The following GALNT7 variants were observed in gnomAD, a reference collection of about 807,000 sequenced individuals.
GALNT7 encodes polypeptide N-acetylgalactosaminyltransferase 7, also known as N-acetylgalactosaminyltransferase 7.
Under a neutral mutation model 82.1 loss-of-function variants are expected in GALNT7, and 60 were observed. That is an observed-to-expected ratio of 0.73 (90% CI 0.59 to 0.91). GALNT7 has a LOEUF of 0.91. GALNT7 is among the 40% of genes least tolerant of loss of function. GALNT7 has a pLI of 0.00. For missense variants in GALNT7, 660 were observed against 804.2 expected, an observed-to-expected ratio of 0.82 and a Z score of 2.17; for synonymous variants, 243 against 275.1, an observed-to-expected ratio of 0.88 and a Z score of 1.15.
At position 173,248,239 on chromosome 4, in the gene GALNT7, C is replaced by A; in HGVS notation, c.386C>A (p.Pro129Gln). Reference protein sequence around the residue: ...TFTYHDPVLRPGILGNFEPKE... With the variant: ...TFTYHDPVLRQGILGNFEPKE... ...ACCTACCATGATCCTGTGCTTCGCC[C>A]AGGGATCCTCGGTAACTTTGAACCC... is the stretch of plus-strand genomic sequence containing the variant. The change falls in exon 2 of 12, where the codon CCA becomes CAA. Residue 129 changes from proline to glutamine, a missense_variant. Pro to Gln is a moderately conservative substitution (Grantham distance 76, BLOSUM62 -1). Coordinates refer to ENST00000265000, the MANE Select transcript of GALNT7 (RefSeq NM_017423.3). 1 of 1,613,944 alleles carries A rather than the reference C, an allele frequency of 6.2e-7. No individual in the cohort carries two copies. Among genetic ancestry groups the A allele is most frequent in the Non-Finnish European group, 8.5e-7 (1 of 1,179,878 alleles).
chr4:173,293,981 T>TAA (rs1330088683), intron 3 of GALNT7, among the ~76,000 whole-genome samples: 1 of 152,176 alleles, frequency 6.6e-6, no homozygotes, highest in Non-Finnish European at 1.5e-5. Context: ...AGTCAGTGGG[T>TAA]TAGGGAGGAT....
At chr4:173,263,080 T>G (rs1207221625) in intron 2 of GALNT7, among the ~76,000 whole-genome samples, 1 of 152,244 alleles carries the variant, frequency 6.6e-6, no homozygotes, top group East Asian at 1.9e-4. Flanking sequence ...ACCATCAGAG[T>G]AAATATCCAC....
intron 2 of GALNT7, among the ~76,000 whole-genome samples, chr4:173,254,252 C>A (rs571887054): frequency 6.6e-6 from 1 of 152,158 alleles, no homozygotes; most frequent in Non-Finnish European, 1.5e-5. Flanking sequence ...ACACTCATGC[C>A]TTATATGCCA....
At chr4:173,224,818 C>T (rs1180226789) in intron 1 of GALNT7, among the ~76,000 whole-genome samples, 3 of 151,656 alleles carry the variant, frequency 2.0e-5, no homozygotes, top group Non-Finnish European at 2.9e-5. Context: ...CCAGACCATC[C>T]TGGCTAACAC....
At chr4:173,277,291 G>A (rs1735947045) in intron 2 of GALNT7, among the ~76,000 whole-genome samples, 1 of 152,232 alleles carries the variant, frequency 6.6e-6, no homozygotes, top group Non-Finnish European at 1.5e-5. Context: ...CATGGTGGCT[G>A]TGGGAGACTC....
Position 173,320,908 on chromosome 4 carries a change from CAACTA to C in GALNT7, c.1837-671_1837-667del, listed in dbSNP as rs1424377421. ...CAACTGTGTGTGGCCATGAGCAATA[CAACTA>C]TAGGTACTAGCATAGTTTGATTCAT... On this transcript the variant is annotated intron_variant, in intron 11 of 11. Transcript: ENST00000265000. This position sits in a 1 kb window ranked among gnomAD's most constrained non-coding sequence, Gnocchi z 4.1. Among the ~76,000 whole-genome samples, 1 of 152,190 alleles carries C rather than the reference CAACTA, an allele frequency of 6.6e-6. No individual in the cohort carries two copies. The highest frequency in any genetic ancestry group is 1.5e-5 in the Non-Finnish European group (1 of 68,024).
intron 1 of GALNT7, among the ~76,000 whole-genome samples, chr4:173,225,049 A>AATAATAATAATT (rs1237783020): frequency 2.1e-5 from 3 of 142,850 alleles, no homozygotes; most frequent in African/African-American, 7.9e-5. Context: ...TAATAATAAT[A>AATAATAATAATT]ATTATAATTA....
intron 1 of GALNT7, among the ~76,000 whole-genome samples, chr4:173,187,353 AT>A (rs1333467837): frequency 6.6e-6 from 1 of 150,668 alleles, no homozygotes; most frequent in Non-Finnish European, 1.5e-5. Flanking sequence ...TCATTTTAGT[AT>A]TGAGATGGTT....
At chr4:173,184,160 G>A (rs1411787601) in intron 1 of GALNT7, among the ~76,000 whole-genome samples, 1 of 151,696 alleles carries the variant, frequency 6.6e-6, no homozygotes, top group Admixed American at 6.6e-5. Flanking sequence ...GACGATGGGC[G>A]GCCAGGCAGA....
At chr4:173,287,386 T>C (rs1253471962) in intron 2 of GALNT7, among the ~76,000 whole-genome samples, 1 of 152,264 alleles carries the variant, frequency 6.6e-6, no homozygotes, top group Non-Finnish European at 1.5e-5. Flanking sequence ...GGAAGGCCTC[T>C]ATACGGCAGT....
At chr4:173,319,034 ATTG>A (rs1283792847) in intron 11 of GALNT7, among the ~76,000 whole-genome samples, 5 of 152,104 alleles carry the variant, frequency 3.3e-5, no homozygotes, top group Non-Finnish European at 7.4e-5. Flanking sequence ...CGTCTTTATC[ATTG>A]TTGTGTGCTA....
intron 2 of GALNT7, among the ~76,000 whole-genome samples, chr4:173,282,171 G>A (rs756134858): frequency 6.6e-6 from 1 of 152,156 alleles, no homozygotes; most frequent in Non-Finnish European, 1.5e-5. Flanking sequence ...CTTATCTTAT[G>A]CAGCTGTGGG....
intron 1 of GALNT7, among the ~76,000 whole-genome samples, chr4:173,235,989 G>T (rs1034987291): frequency 6.6e-6 from 1 of 152,156 alleles, no homozygotes; most frequent in Non-Finnish European, 1.5e-5. Context: ...GGATGTATTT[G>T]CTTACCTTTG....
At chr4:173,222,355 C>T (rs1403548298) in intron 1 of GALNT7, among the ~76,000 whole-genome samples, 1 of 152,188 alleles carries the variant, frequency 6.6e-6, no homozygotes, top group African/African-American at 2.4e-5. Flanking sequence ...TCACTGCAAC[C>T]TCTACCTCTT....
At chr4:173,201,625 T>G (rs569457936) in intron 1 of GALNT7, among the ~76,000 whole-genome samples, 6 of 152,328 alleles carry the variant, frequency 3.9e-5, no homozygotes, top group African/African-American at 1.4e-4. Context: ...GTATTAACAT[T>G]AATGAAAATG....
intron 1 of GALNT7, among the ~76,000 whole-genome samples, chr4:173,189,744 T>C (rs1732566766): frequency 6.6e-6 from 1 of 152,254 alleles, no homozygotes; most frequent in Non-Finnish European, 1.5e-5. Context: ...ATTAACATTA[T>C]CTATCTTCAA....
chr4:173,295,270 G>T, intron 3 of GALNT7, 126 bp from the exon 4 acceptor site: 3 of 646,954 alleles, frequency 4.6e-6, no homozygotes, highest in Non-Finnish European at 8.2e-6. Context: ...TTGATAAAAC[G>T]TGCAATCTGG....
chr4:173,181,436 T>C (rs544308312), intron 1 of GALNT7, among the ~76,000 whole-genome samples: 6 of 152,274 alleles, frequency 3.9e-5, no homozygotes, highest in South Asian at 2.1e-4. Context: ...AAAAATACTT[T>C]AGTAAATAAT....
intron 2 of GALNT7, among the ~76,000 whole-genome samples, chr4:173,253,880 A>G (rs1434018634): frequency 6.6e-6 from 1 of 152,220 alleles, no homozygotes; most frequent in Admixed American, 6.5e-5. Context: ...CTTCTGATAA[A>G]GTTTGGGATT....
Sources: gnomAD v4.1 joint callset for allele counts (sites outside exome capture counted in the v4.1 genomes callset) on GRCh38, gnomAD v4.1.1 for gene constraint, Gnocchi (gnomAD v3.1) non-coding constraint, MANE v1.5 for transcripts, NCBI Gene and HGNC (gene_info 2026-07-23, HGNC 2026-07-21) for gene names.